Variants in ARMC9 observed in about 807,000 individuals in gnomAD.
The protein encoded by ARMC9 is lisH domain-containing protein ARMC9.
In ARMC9, 94 loss-of-function variants were observed where a neutral mutation model predicts 107.0. That is an observed-to-expected ratio of 0.88 (90% CI 0.74 to 1.04). The LOEUF (loss-of-function observed/expected upper bound fraction) is 1.04, where lower values mean the gene tolerates loss of function less well. Ranked by LOEUF, ARMC9 falls within the 50% of genes least tolerant of loss-of-function variation. The probability of loss-of-function intolerance (pLI) is 0.00; values close to 1 mark genes in which losing one functional copy is unlikely to be tolerated. For missense variants in ARMC9, 942 were observed against 1,030.1 expected, an observed-to-expected ratio of 0.91 and a Z score of 1.17; for synonymous variants, 380 against 396.9, an observed-to-expected ratio of 0.96 and a Z score of 0.51.
At chr2:231,295,592 C>G (rs1237842464) in intron 18 of ARMC9, 1 of 152,194 alleles carries the variant, frequency 6.6e-6, no homozygotes, top group Admixed American at 6.5e-5. Flanking sequence ...CTCTTTCTTT[C>G]TGTAACTCCT....
chr2:231,308,709 C>T (rs1325565794), intron 19 of ARMC9, among the ~76,000 whole-genome samples: 2 of 152,196 alleles, frequency 1.3e-5, no homozygotes, highest in East Asian at 3.8e-4. Context: ...CCTGACCAGC[C>T]TTCCTCCAGG....
chr2:231,293,279 G>A (rs79129552), intron 18 of ARMC9, among the ~76,000 whole-genome samples: 1 of 152,140 alleles, frequency 6.6e-6, no homozygotes, highest in African/African-American at 2.4e-5. Flanking sequence ...CTGAACCTCA[G>A]TGCTGCCTGA....
chr2:231,290,045 A>G (rs1299638324), intron 17 of ARMC9, among the ~76,000 whole-genome samples: 1 of 152,262 alleles, frequency 6.6e-6, no homozygotes, highest in African/African-American at 2.4e-5. Flanking sequence ...AGTGAAAAGC[A>G]CAGGCCTTAC....
intron 21 of ARMC9, among the ~76,000 whole-genome samples, chr2:231,347,106 G>C (rs1211120156): frequency 6.6e-6 from 1 of 152,198 alleles, no homozygotes; most frequent in African/African-American, 2.4e-5. Context: ...TCTTTGAAGA[G>C]AAATTTGAGG....
rs1195089376 is a variant in ARMC9, at chr2:231,362,308, A to G, written c.2261+1425A>G. Among the ~76,000 whole-genome samples, 1 of 152,194 alleles carries G rather than the reference A, an allele frequency of 6.6e-6. No individual in the cohort carries two copies. Among genetic ancestry groups the G allele is most frequent in the Non-Finnish European group, 1.5e-5 (1 of 68,022 alleles). ...TGGGCTAGAGCTATCTCATGCCCCC[A>G]GTCCAGACTGGATCCTCCCCTGCGG... is the stretch of plus-strand genomic sequence containing the variant. On this transcript the variant is annotated intron_variant, in intron 23 of 24. Transcript: ENST00000611582. This position sits in a 1 kb window ranked among gnomAD's most constrained non-coding sequence, Gnocchi z 4.7.
rs887427767 is a variant in ARMC9, at chr2:231,371,705, C to T, written c.*170C>T. 1.1e-5 allele frequency: 7 copies of T among 633,778 alleles called. No individual in the cohort carries two copies. Among genetic ancestry groups the T allele is most frequent in the African/African-American group, 9.5e-5 (5 of 52,824 alleles). The allele number at this position is 633,778 out of a possible 1,614,324, so 39.3% of individuals were successfully genotyped here. A position where few individuals can be genotyped will look rare whatever the true frequency, so the allele number is the denominator to read the frequency against. ...CACCAGAGCAAGGCCATCGCAGCCCCGCCAGCCGGGTCACTTTCTCCCAGG... is the reference window on the plus strand; with the variant it reads ...CACCAGAGCAAGGCCATCGCAGCCCTGCCAGCCGGGTCACTTTCTCCCAGG... On this transcript the variant is annotated 3_prime_UTR_variant, in exon 25 of 25. Coordinates refer to ENST00000611582, the MANE Select transcript of ARMC9 (RefSeq NM_001352754.2).
intron 19 of ARMC9, among the ~76,000 whole-genome samples, chr2:231,309,047 G>T (rs979338061): frequency 2.0e-5 from 3 of 152,256 alleles, no homozygotes; most frequent in Non-Finnish European, 4.4e-5. Context: ...AGTCAATAAA[G>T]AAACCAGTGT....
chr2:231,252,803 A>ATTTTTTTTTT (rs34618597), intron 9 of ARMC9, among the ~76,000 whole-genome samples: 2 of 134,210 alleles, frequency 1.5e-5, no homozygotes, highest in Non-Finnish European at 1.6e-5. Context: ...CAACCCCCTA[A>ATTTTTTTTTT]TTTTTTTTTT....
chr2:231,243,467 G>A (rs2036485657), intron 9 of ARMC9, among the ~76,000 whole-genome samples: 1 of 152,084 alleles, frequency 6.6e-6, no homozygotes, highest in Non-Finnish European at 1.5e-5. Flanking sequence ...AAAGGAGCAG[G>A]GGTACAACAC....
rs1366221234 is a variant in ARMC9, at chr2:231,360,772, C to T, written c.2150C>T (p.Pro717Leu). Reference protein sequence around the residue: ...VSSSSAIIAKPGEWLPRGRQE... With the variant: ...VSSSSAIIAKLGEWLPRGRQE... The stretch of plus-strand genomic sequence containing the variant: ...TCCCCAGCAGCCATCATCGCCAAGC[C>T]AGGAGAGTGGCTCCCAAGAGGACGC... The change falls in exon 23 of 25, where the codon CCA becomes CTA. Residue 717 changes from proline (P) to leucine (L), a missense_variant. Physicochemically the swap from Pro to Leu is moderately conservative, Grantham distance 98. Coordinates refer to ENST00000611582, the MANE Select transcript of ARMC9 (RefSeq NM_001352754.2). This position sits in a 1 kb window ranked among gnomAD's most constrained non-coding sequence, Gnocchi z 4.7. The T allele has an allele frequency of 6.5e-7, 1 of 1,536,172 alleles. No individual in the cohort carries two copies. Among genetic ancestry groups the T allele is most frequent in the South Asian group, 1.2e-5 (1 of 84,064 alleles).
At chr2:231,257,963 G>T (rs1477020373) in intron 10 of ARMC9, among the ~76,000 whole-genome samples, 1 of 152,030 alleles carries the variant, frequency 6.6e-6, no homozygotes, top group African/African-American at 2.4e-5. Context: ...TTTGTTTCTG[G>T]CTGACCGAAG....
intron 12 of ARMC9, among the ~76,000 whole-genome samples, chr2:231,265,703 T>TAA (rs573792022): frequency 2.8e-4 from 40 of 143,796 alleles, no homozygotes; most frequent in Admixed American, 1.1e-3. Context: ...ACTTTTTTTC[T>TAA]AAAAAAAAAA....
chr2:231,335,390 G>A (rs574537274), intron 20 of ARMC9, among the ~76,000 whole-genome samples: 23 of 152,290 alleles, frequency 1.5e-4, no homozygotes, highest in South Asian at 4.1e-4. Context: ...CGACTGGGGC[G>A]TCCGCCAGAG....
At chr2:231,274,406 G>A (rs531346813) in intron 14 of ARMC9, among the ~76,000 whole-genome samples, 36 of 152,178 alleles carry the variant, frequency 2.4e-4, no homozygotes, top group Non-Finnish European at 4.4e-4. Flanking sequence ...GTGAGCCACC[G>A]CGCCCGGCCT....
At chr2:231,252,747 C>T (rs2037415422) in intron 9 of ARMC9, among the ~76,000 whole-genome samples, 1 of 152,048 alleles carries the variant, frequency 6.6e-6, no homozygotes. Context: ...AGCAATCCTC[C>T]CACCTCAGCC....
Position 231,206,233 on chromosome 2 carries a change from T to C in ARMC9, c.-6T>C, listed in dbSNP as rs765310794. On this transcript the variant is annotated 5_prime_UTR_variant, in exon 2 of 25. Transcript: ENST00000611582. ...TGTGAGAATTAATTACCAGTAACAG[T>C]TCAATATGGGGGACATTCTGGCTCA... 1 of 1,613,056 alleles carries C rather than the reference T, an allele frequency of 6.2e-7. No individual in the cohort carries two copies. Among genetic ancestry groups the C allele is most frequent in the Non-Finnish European group, 8.5e-7 (1 of 1,179,290 alleles).
At chr2:231,288,921 C>T (rs1183926819) in intron 17 of ARMC9, among the ~76,000 whole-genome samples, 1 of 152,164 alleles carries the variant, frequency 6.6e-6, no homozygotes, top group Non-Finnish European at 1.5e-5. Context: ...TTATGGTAGT[C>T]TTTAATGATA....
intron 12 of ARMC9, among the ~76,000 whole-genome samples, chr2:231,266,275 G>T (rs918703838): frequency 2.0e-5 from 3 of 152,202 alleles, no homozygotes; most frequent in African/African-American, 7.2e-5. Context: ...GGGGCCCAAG[G>T]ATTTGCATTT....
intron 19 of ARMC9, among the ~76,000 whole-genome samples, chr2:231,320,418 G>C (rs1041238932): frequency 2.6e-5 from 4 of 152,036 alleles, no homozygotes; most frequent in African/African-American, 9.7e-5. Flanking sequence ...AGTTGCTAAC[G>C]GTAGTATTCA....
Sources: gnomAD v4.1 joint callset for allele counts (sites outside exome capture counted in the v4.1 genomes callset) on GRCh38, gnomAD v4.1.1 for gene constraint, Gnocchi (gnomAD v3.1) non-coding constraint, MANE v1.5 for transcripts, NCBI Gene and HGNC (gene_info 2026-07-23, HGNC 2026-07-21) for gene names.